Variants in DAB1 observed in about 807,000 individuals in gnomAD.
The protein encoded by DAB1 is disabled homolog 1.
A neutral mutation model predicts 64.6 loss-of-function variants in DAB1; 15 were observed. The ratio of observed to expected loss-of-function variants is 0.23; its 90% CI spans 0.16 to 0.36. The LOEUF is 0.36. DAB1 is among the 10% of genes least tolerant of loss of function. The probability of loss-of-function intolerance (pLI) is 1.00; values close to 1 mark genes in which losing one functional copy is unlikely to be tolerated. For synonymous variants in DAB1, 235 were observed against 251.9 expected (o/e 0.93, Z 0.64); for missense variants, 596 against 706.7 (o/e 0.84, Z 1.78).
chr1:57,983,410 TG>T (rs1646114674), intron 5 of DAB1, among the ~76,000 whole-genome samples: 2 of 152,178 alleles, frequency 1.3e-5, no homozygotes, highest in Admixed American at 1.3e-4. Flanking sequence ...CAACATTTTC[TG>T]GGCATTGAGT....
chr1:58,499,270 T>A (rs1388519208), intron 3 of DAB1, among the ~76,000 whole-genome samples: 1 of 132,074 alleles, frequency 7.6e-6, no homozygotes, highest in African/African-American at 3.0e-5. Flanking sequence ...TCAAAAAGTA[T>A]GAAGTTTTGC....
intron 2 of DAB1, among the ~76,000 whole-genome samples, chr1:57,256,464 C>G (rs1669768648): frequency 6.6e-6 from 1 of 152,130 alleles, no homozygotes; most frequent in Non-Finnish European, 1.5e-5. Context: ...GTGGCTCCAC[C>G]TCTCTGGTCT....
chr1:57,331,223 T>TAAG (rs1676642909), intron 1 of DAB1, among the ~76,000 whole-genome samples: 1 of 152,226 alleles, frequency 6.6e-6, no homozygotes, highest in Admixed American at 6.5e-5. Context: ...AATTTAACTG[T>TAAG]AAGAACAGCT....
intron 2 of DAB1, among the ~76,000 whole-genome samples, chr1:57,177,981 T>C (rs1032101835): frequency 1.3e-5 from 2 of 152,180 alleles, no homozygotes; most frequent in African/African-American, 2.4e-5. Flanking sequence ...GGCATGTTTA[T>C]AAAAACCTGA....
At chr1:58,229,797 AG>A (rs1405117445) in intron 4 of DAB1, among the ~76,000 whole-genome samples, 4 of 152,220 alleles carry the variant, frequency 2.6e-5, no homozygotes, top group African/African-American at 4.8e-5. Flanking sequence ...AAGTTACCCA[AG>A]GGGGAAGCAG....
At chr1:58,131,805 G>C (rs1162950217) in intron 5 of DAB1, among the ~76,000 whole-genome samples, 1 of 149,916 alleles carries the variant, frequency 6.7e-6, no homozygotes, top group Non-Finnish European at 1.5e-5. Flanking sequence ...TGAGGAGGCA[G>C]TCTGCCCGTT....
intron 5 of DAB1, chr1:58,074,568 A>ATATATATATATATATATG (rs1649513870): frequency 6.4e-5 from 2 of 31,098 alleles, no homozygotes; most frequent in African/African-American, 1.6e-4. Flanking sequence ...ATGTGTGTAT[A>ATATATATATATATATATG]TATATATATA....
intron 6 of DAB1, among the ~76,000 whole-genome samples, chr1:57,813,081 T>C (rs1453737076): frequency 6.6e-6 from 1 of 152,248 alleles, no homozygotes; most frequent in African/African-American, 2.4e-5. Flanking sequence ...ATGTATATCA[T>C]ATATATCATT....
chr1:57,941,701 G>C (rs925028412), intron 5 of DAB1, among the ~76,000 whole-genome samples: 1 of 152,126 alleles, frequency 6.6e-6, no homozygotes, highest in African/African-American at 2.4e-5. Flanking sequence ...CAGGCTTGGT[G>C]GTGGGTGCCT....
chr1:57,181,473 C>T (rs1479455892), intron 2 of DAB1, among the ~76,000 whole-genome samples: 1 of 152,116 alleles, frequency 6.6e-6, no homozygotes, highest in Non-Finnish European at 1.5e-5. Flanking sequence ...TTGAAAATGC[C>T]CATGACAATC....
intron 6 of DAB1, among the ~76,000 whole-genome samples, chr1:57,787,613 G>A (rs1650396243): frequency 6.6e-6 from 1 of 151,810 alleles, no homozygotes; most frequent in Non-Finnish European, 1.5e-5. Flanking sequence ...TAGGCAAAAA[G>A]GTTTTTATAG....
At chr1:58,406,623 G>A (rs895364259) in intron 3 of DAB1, among the ~76,000 whole-genome samples, 6 of 152,154 alleles carry the variant, frequency 3.9e-5, no homozygotes, top group African/African-American at 1.2e-4. Context: ...TTCAGGAGAC[G>A]TAGCCTTCAA....
intron 9 of DAB1, among the ~76,000 whole-genome samples, chr1:57,044,860 C>T (rs1214882232): frequency 1.3e-5 from 2 of 152,158 alleles, no homozygotes; most frequent in East Asian, 1.9e-4. Context: ...GCAGAGGTCA[C>T]TAAGGACAAT....
intron 3 of DAB1, among the ~76,000 whole-genome samples, chr1:58,451,980 C>T (rs908203551): frequency 1.3e-5 from 2 of 149,776 alleles, no homozygotes; most frequent in Non-Finnish European, 3.0e-5. Context: ...TGCAATGGCA[C>T]GATCTCCGCT....
At chr1:57,330,243 C>T (rs967993559) in intron 1 of DAB1, among the ~76,000 whole-genome samples, 3 of 152,248 alleles carry the variant, frequency 2.0e-5, no homozygotes, top group Admixed American at 6.5e-5. Context: ...TTTCCTTGTT[C>T]TTCATAAATA....
In DAB1 at chr1:57,775,853, T is replaced by C. The variant is rs772654283; in HGVS notation, n.551+108146A>G. On this transcript the variant is annotated intron_variant and non_coding_transcript_variant, in intron 6 of 20. Transcript: ENST00000485760. The stretch of plus-strand genomic sequence containing the variant: ...TGTTATTTTTCCTTTCAGTTCTTAT[T>C]CAGTTTTTGCTTCATGTATTTTGAA... Among the ~76,000 whole-genome samples, 12 of 151,838 alleles carry C rather than the reference T, an allele frequency of 7.9e-5. 1 individual carries two copies. Among genetic ancestry groups the C allele is most frequent in the East Asian group, 3.9e-4 (2 of 5,170 alleles).
intron 1 of DAB1, among the ~76,000 whole-genome samples, chr1:57,340,207 T>C (rs1368745394): frequency 6.6e-6 from 1 of 152,182 alleles, no homozygotes; most frequent in Non-Finnish European, 1.5e-5. Flanking sequence ...TAAACTCTTC[T>C]ACAGAAAGAG....
At chr1:57,419,540 C>A (rs1409772562) in intron 1 of DAB1, among the ~76,000 whole-genome samples, 1 of 149,998 alleles carries the variant, frequency 6.7e-6, no homozygotes, top group East Asian at 2.0e-4. Flanking sequence ...AAATGTATCT[C>A]TTCCTAAAGA....
At chr1:57,560,693 C>T (rs1005116227) in intron 7 of DAB1, among the ~76,000 whole-genome samples, 3 of 145,860 alleles carry the variant, frequency 2.1e-5, no homozygotes, top group Admixed American at 6.9e-5. Flanking sequence ...GTGCAAGCTG[C>T]TGTGCCACTT....
Sources: gnomAD v4.1 joint callset for allele counts (sites outside exome capture counted in the v4.1 genomes callset) on GRCh38, gnomAD v4.1.1 for gene constraint, MANE v1.5 for transcripts, NCBI Gene and HGNC (gene_info 2026-07-23, HGNC 2026-07-21) for gene names.